The following DMD variants were observed in gnomAD, a reference collection of about 807,000 sequenced individuals.
The protein encoded by DMD is mutant dystrophin.
DMD carries 63 observed loss-of-function variants against 330.1 expected under a neutral mutation model. The ratio of observed to expected loss-of-function variants is 0.19; its 90% confidence interval spans 0.16 to 0.24. DMD has a LOEUF of 0.24. Among genes scored for constraint, DMD ranks in the 10% least tolerant of loss-of-function variants. DMD has a pLI of 1.00. For missense variants in DMD, 3,344 were observed against 2,684.1 expected, an observed-to-expected ratio of 1.25 and a Z score of -5.43; for synonymous variants, 1,223 against 959.8, an observed-to-expected ratio of 1.27 and a Z score of -5.07.
At chrX:32,551,015 A>T (rs759107247) in intron 16 of DMD, among the ~76,000 whole-genome samples, 5 of 111,096 alleles carry the variant, frequency 4.5e-5, no homozygotes, top group African/African-American at 1.6e-4. Context: ...AACCAGAAAA[A>T]GCCCAGGACC....
chrX:33,333,294 A>G, intron 1 of DMD, among the ~76,000 whole-genome samples: 1 of 110,774 alleles, frequency 9.0e-6, no homozygotes, highest in Non-Finnish European at 1.9e-5. Context: ...GAGCAAATGA[A>G]ATTGTGAAAT....
intron 2 of DMD, among the ~76,000 whole-genome samples, chrX:32,860,412 T>C (rs1019400379): frequency 8.9e-6 from 1 of 111,813 alleles, no homozygotes; most frequent in African/African-American, 3.3e-5. Context: ...AAAGTCAAGA[T>C]ACTTCTGCAA....
At position 32,698,052 on chromosome X, in the gene DMD, T is replaced by C. The variant is rs41303183; in HGVS notation, c.832-54A>G. 0.025 allele frequency: 28,001 copies of C among 1,136,345 alleles called. 289 individuals carry two copies. Among genetic ancestry groups the C allele is most frequent in the Non-Finnish European group, 0.029 (24,643 of 847,660 alleles). 93.6% of individuals were successfully genotyped at this position (1,136,345 alleles called of 1,213,427 possible). A position where few individuals can be genotyped will look rare whatever the true frequency, so the allele number is the denominator to read the frequency against. ...AGAGAGGAGGGGGAAAAACCATAAGTAACCCGAAAGGACTACTTTCCAACA... is the reference window on the plus strand; with the variant it reads ...AGAGAGGAGGGGGAAAAACCATAAGCAACCCGAAAGGACTACTTTCCAACA... On this transcript the variant is annotated intron_variant, in intron 8 of 78. Transcript: ENST00000357033.
chrX:32,301,222 TAAAA>T (rs56329666), intron 42 of DMD, among the ~76,000 whole-genome samples: 1 of 74,686 alleles, frequency 1.3e-5, no homozygotes, highest in African/African-American at 4.9e-5. Context: ...TGCATACATC[TAAAA>T]AAAAAAAAAA....
chrX:32,120,685 G>A (rs1443151376), intron 44 of DMD, among the ~76,000 whole-genome samples: 1 of 111,860 alleles, frequency 8.9e-6, no homozygotes, highest in Non-Finnish European at 1.9e-5. Context: ...TTATAATCAA[G>A]GCCCTAAGCA....
At chrX:31,593,162 A>G (rs1481933298) in intron 55 of DMD, among the ~76,000 whole-genome samples, 1 of 111,640 alleles carries the variant, frequency 9.0e-6, no homozygotes, top group Non-Finnish European at 1.9e-5. Context: ...TAAACCGCAT[A>G]TAGAAAATCT....
chrX:32,501,892 T>C (rs2044093772), intron 18 of DMD, 50 bp from the exon 19 acceptor site: 9 of 933,127 alleles, frequency 9.6e-6, no homozygotes, highest in Non-Finnish European at 1.4e-5. Context: ...ACTGTGAATC[T>C]ACACAATAAT....
At chrX:32,815,538 T>TAC (rs1236023082) in intron 6 of DMD, among the ~76,000 whole-genome samples, 7 of 73,387 alleles carry the variant, frequency 9.5e-5, no homozygotes, top group African/African-American at 3.2e-4. Flanking sequence ...CACACACACA[T>TAC]ATATATACAT....
At chrX:32,564,008 C>A (rs2051378344) in intron 16 of DMD, among the ~76,000 whole-genome samples, 1 of 111,507 alleles carries the variant, frequency 9.0e-6, no homozygotes, top group Non-Finnish European at 1.9e-5. Context: ...TCATCTACTT[C>A]CTCCCACCCT....
intron 55 of DMD, among the ~76,000 whole-genome samples, chrX:31,549,850 ATGTT>A (rs1390523010): frequency 8.9e-6 from 1 of 112,457 alleles, no homozygotes; most frequent in African/African-American, 3.2e-5. Context: ...GTCATCATGA[ATGTT>A]TGACAACAAG....
chrX:31,866,157 G>T (rs768861862), intron 48 of DMD, among the ~76,000 whole-genome samples: 1 of 110,922 alleles, frequency 9.0e-6, no homozygotes, highest in African/African-American at 3.3e-5. Flanking sequence ...CTTCCCTTTA[G>T]CTCCCTTAAA....
intron 46 of DMD, among the ~76,000 whole-genome samples, chrX:31,930,821 C>T (rs952973656): frequency 8.9e-6 from 1 of 112,000 alleles, no homozygotes; most frequent in African/African-American, 3.2e-5. Context: ...CTATATATGA[C>T]ACTCAATACA....
rs780238693 is a variant in DMD at position 31,204,417 on chromosome X, G to T, written c.9650-299C>A. 4.5e-5 allele frequency among the ~76,000 whole-genome samples: 5 copies of T among 112,277 alleles called. No homozygotes were observed. The South Asian group carries it at 1.9e-3, about 42-fold the overall frequency. On this transcript the variant is annotated intron_variant, in intron 66 of 78. Coordinates refer to ENST00000357033, the MANE Select transcript of DMD (RefSeq NM_004006.3). ...TTCTAAGCCAGAACATAATCCTTGG[G>T]AATTATTGTATATAGGATGTAACTA...
chrX:32,849,909 T>C, intron 2 of DMD, 89 bp from the exon 3 acceptor site: 2 of 704,001 alleles, frequency 2.8e-6, no homozygotes, highest in South Asian at 4.6e-5. Flanking sequence ...ACTAAAGCTA[T>C]ATTTAAGGAT....
rs185777628 is a variant in DMD at position 32,297,292 on chromosome X, G to A, written c.6118-9591C>T. 3.0e-3 allele frequency among the ~76,000 whole-genome samples: 297 copies of A among 98,520 alleles called. 1 individual carries two copies. Among genetic ancestry groups the A allele is most frequent in the African/African-American group, 9.2e-3 (237 of 25,712 alleles). 85.6% of individuals were successfully genotyped at this position (98,520 alleles called of 115,157 possible). On this transcript the variant is annotated intron_variant, in intron 42 of 78. Coordinates refer to ENST00000357033, the MANE Select transcript of DMD (RefSeq NM_004006.3). ...ATTTATTATTTATTTATTTATTTTG[G>A]AGACAGAGTCTCACTCTGTCACCCA...
At chrX:32,533,319 C>A (rs899656047) in intron 17 of DMD, among the ~76,000 whole-genome samples, 2 of 111,708 alleles carry the variant, frequency 1.8e-5, no homozygotes, top group African/African-American at 6.5e-5. Flanking sequence ...ACCTTTTCAA[C>A]CTCATTCCTT....
chrX:32,518,915 G>C (rs1396902217), intron 17 of DMD, among the ~76,000 whole-genome samples: 1 of 108,355 alleles, frequency 9.2e-6, no homozygotes, highest in African/African-American at 3.4e-5. Context: ...TAATAAATAG[G>C]TGCTGTTTTA....
chrX:31,778,078 C>CA (rs1488486407), intron 50 of DMD, among the ~76,000 whole-genome samples: 1 of 112,278 alleles, frequency 8.9e-6, no homozygotes, highest in Middle Eastern at 4.2e-3. Context: ...TGTTTCCAGA[C>CA]AAAAATCTCA....
At chrX:31,748,719 T>G (rs1042454098) in intron 51 of DMD, among the ~76,000 whole-genome samples, 2 of 111,938 alleles carry the variant, frequency 1.8e-5, no homozygotes, top group Non-Finnish European at 3.8e-5. Flanking sequence ...ACAATATATA[T>G]TAACTTACAG....
Sources: gnomAD v4.1 joint callset for allele counts (sites outside exome capture counted in the v4.1 genomes callset) on GRCh38, gnomAD v4.1.1 for gene constraint, MANE v1.5 for transcripts, NCBI Gene and HGNC (gene_info 2026-07-23, HGNC 2026-07-21) for gene names.